Variants in COPS3 observed in about 807,000 individuals in gnomAD.
The protein encoded by COPS3 is COP9 signalosome complex subunit 3.
In COPS3, 10 loss-of-function variants were observed where a neutral mutation model predicts 58.2. That is an observed-to-expected ratio of 0.17 (90% CI 0.11 to 0.29). The LOEUF (loss-of-function observed/expected upper bound fraction) is 0.29. Among genes scored for constraint, COPS3 ranks in the 10% least tolerant of loss-of-function variants. The pLI is 1.00. For synonymous variants in COPS3, 187 were observed against 181.7 expected, an observed-to-expected ratio of 1.03 and a Z score of -0.24; for missense variants, 333 against 510.1, an observed-to-expected ratio of 0.65 and a Z score of 3.34.
chr17:17,262,171 C>T (rs775549239), intron 6 of COPS3, 65 bp from the exon 7 acceptor site: 2 of 1,385,638 alleles, frequency 1.4e-6, no homozygotes, highest in Non-Finnish European at 2.0e-6. Flanking sequence ...CAATCAACCA[C>T]ATGTATCACA....
chr17:17,280,588 G>C, intron 1 of COPS3: 1 of 1,295,630 alleles, frequency 7.7e-7, no homozygotes, highest in Non-Finnish European at 1.0e-6. Context: ...GAGAGCTTCC[G>C]CAGCATTCTG....
At chr17:17,261,814 A>G in intron 7 of COPS3, 152 bp downstream of exon 7, 1 of 621,418 alleles carries the variant, frequency 1.6e-6, no homozygotes, top group Non-Finnish European at 2.8e-6. Flanking sequence ...GGTAATGAGA[A>G]TGTGTAGCAG....
At chr17:17,267,627 G>A in intron 5 of COPS3, among the ~76,000 whole-genome samples, 1 of 121,274 alleles carries the variant, frequency 8.2e-6, no homozygotes. Flanking sequence ...GACAAAGTGA[G>A]ACTGTCTCAA....
intron 1 of COPS3, chr17:17,280,856 A>G: frequency 8.6e-7 from 1 of 1,167,658 alleles, no homozygotes; most frequent in South Asian, 1.7e-5. Flanking sequence ...ACTGTCAAGC[A>G]AAGCGCCCGG....
At chr17:17,258,559 T>C (rs1417700479) in intron 8 of COPS3, among the ~76,000 whole-genome samples, 3 of 152,230 alleles carry the variant, frequency 2.0e-5, no homozygotes, top group Non-Finnish European at 2.9e-5. Flanking sequence ...GCATTTGGGT[T>C]CTTTTATCTA....
intron 2 of COPS3, among the ~76,000 whole-genome samples, chr17:17,274,425 T>TAG (rs1567862591): frequency 3.2e-5 from 3 of 92,658 alleles, no homozygotes; most frequent in South Asian, 7.6e-4. Flanking sequence ...GATTAGCTTT[T>TAG]CTTTTTTTTT....
At position 17,265,319 on chromosome 17, in the gene COPS3, T is replaced by A. The variant is rs7220827; in HGVS notation, c.442-338A>T. 6.6e-5 allele frequency among the ~76,000 whole-genome samples: 10 copies of A among 151,964 alleles called. No homozygotes were observed. In the East Asian group the frequency reaches 1.9e-3, roughly 29 times the overall value. ...TGGAGCATTTTGGGTTTCAAATTTT[T>A]GGATTGGGTTTCAAATTTTCAGATT... On this transcript the variant is annotated intron_variant, in intron 5 of 11. Transcript: ENST00000268717.
chr17:17,261,816 G>T, intron 7 of COPS3, 150 bp downstream of exon 7: 1 of 631,960 alleles, frequency 1.6e-6, no homozygotes, highest in South Asian at 2.1e-5. Context: ...TAATGAGAAT[G>T]TGTAGCAGAC....
At chr17:17,259,361 C>T (rs1232804903) in intron 8 of COPS3, among the ~76,000 whole-genome samples, 4 of 152,098 alleles carry the variant, frequency 2.6e-5, no homozygotes, top group Non-Finnish European at 5.9e-5. Flanking sequence ...TCCTAAAACA[C>T]AAAAAATTTC....
At chr17:17,264,617 G>C (rs2048180666) in intron 6 of COPS3, among the ~76,000 whole-genome samples, 185 bp downstream of exon 6, 1 of 152,146 alleles carries the variant, frequency 6.6e-6, no homozygotes. Flanking sequence ...CTATGCACTG[G>C]CGCTGCTCCT....
At chr17:17,259,850 C>T (rs961590670) in intron 8 of COPS3, among the ~76,000 whole-genome samples, 5 of 151,758 alleles carry the variant, frequency 3.3e-5, no homozygotes, top group Non-Finnish European at 7.4e-5. Flanking sequence ...GCCGAAATCA[C>T]GCCACTGCAC....
intron 4 of COPS3, among the ~76,000 whole-genome samples, chr17:17,268,875 G>A (rs1365626454): frequency 6.6e-6 from 1 of 151,816 alleles, no homozygotes; most frequent in Non-Finnish European, 1.5e-5. Context: ...TATGTGAAGA[G>A]ACTAAAAATA....
At chr17:17,266,725 G>A (rs2048230317) in intron 5 of COPS3, among the ~76,000 whole-genome samples, 1 of 151,936 alleles carries the variant, frequency 6.6e-6, no homozygotes, top group African/African-American at 2.4e-5. Flanking sequence ...CTTGAACCTG[G>A]GAGGCGGAGC....
At chr17:17,252,477 A>AGATAACGCTTTGGTGTGTGGGCTGTCCT (rs1597660986) in intron 9 of COPS3, among the ~76,000 whole-genome samples, 2 of 119,598 alleles carry the variant, frequency 1.7e-5, no homozygotes, top group Non-Finnish European at 1.8e-5. Context: ...TGGGCACTGC[A>AGATAACGCTTTGGTGTGTGGGCTGTCCT]GGACGTTTAG....
rs11549132 is a variant in COPS3 at position 17,281,181 on chromosome 17, C to T, written c.6G>A (p.Ala2=). 5.0e-3 allele frequency: 8,034 copies of T among 1,610,870 alleles called. 25 individuals carry two copies. Among genetic ancestry groups the T allele is most frequent in the Non-Finnish European group, 6.0e-3 (7,061 of 1,178,786 alleles). M[A]SALEQFVNSV... ...TGTTCACGAACTGCTCCAGGGCAGA[C>T]GCCATGTTTTCCCCCGGGCGGCCCG... The change falls in exon 1 of 12, where the codon GCG becomes GCA. Residue 2 remains alanine, a synonymous_variant. Coordinates refer to ENST00000268717, the MANE Select transcript of COPS3 (RefSeq NM_003653.4).
intron 7 of COPS3, among the ~76,000 whole-genome samples, chr17:17,261,353 C>T (rs1235729398): frequency 6.6e-6 from 1 of 151,868 alleles, no homozygotes; most frequent in Non-Finnish European, 1.5e-5. Context: ...GGTGAAACCA[C>T]ATCTCCACTA....
At chr17:17,259,099 C>T (rs1292561719) in intron 8 of COPS3, among the ~76,000 whole-genome samples, 3 of 152,134 alleles carry the variant, frequency 2.0e-5, no homozygotes, top group South Asian at 2.1e-4. Flanking sequence ...TAAGTCCTCA[C>T]GTAGCCAAAT....
At chr17:17,250,549 A>C (rs1429502873) in intron 9 of COPS3, among the ~76,000 whole-genome samples, 2 of 152,228 alleles carry the variant, frequency 1.3e-5, no homozygotes, top group Non-Finnish European at 2.9e-5. Flanking sequence ...TTCTTCAAGA[A>C]AACTTTACTA....
In COPS3 at chr17:17,260,223, G is replaced by C. The variant is rs1268116753; in HGVS notation, c.936+78C>G. 6 of 1,395,670 alleles carry C rather than the reference G, an allele frequency of 4.3e-6. No individual in the cohort carries two copies. The African/African-American group carries it at 7.1e-5, about 17-fold the overall frequency. The allele number at this position is 1,395,670 out of a possible 1,614,324, so 86.5% of individuals were successfully genotyped here. A position where few individuals can be genotyped will look rare whatever the true frequency, so the allele number is the denominator to read the frequency against. On this transcript the variant is annotated intron_variant, in intron 8 of 11. Coordinates refer to ENST00000268717, the MANE Select transcript of COPS3 (RefSeq NM_003653.4). ...CTTTATCCCTGTACCTGCTTCCTCA[G>C]CTCTGAAAAGGGAGAGAAAGGGAAA...
Sources: gnomAD v4.1 joint callset for allele counts (sites outside exome capture counted in the v4.1 genomes callset) on GRCh38, gnomAD v4.1.1 for gene constraint, MANE v1.5 for transcripts, NCBI Gene and HGNC (gene_info 2026-07-23, HGNC 2026-07-21) for gene names.